FANCB: variants seen among roughly 807,000 people sequenced by gnomAD.
The protein encoded by FANCB is Fanconi anemia group B protein.
Under a neutral mutation model 38.9 loss-of-function variants are expected in FANCB, and 5 were observed. That is an observed-to-expected ratio of 0.13 (90% CI 0.07 to 0.27). FANCB has a LOEUF of 0.27. Among genes scored for constraint, FANCB ranks in the 10% least tolerant of loss-of-function variants. The probability of loss-of-function intolerance (pLI) is 1.00; values close to 1 mark genes in which losing one functional copy is unlikely to be tolerated. For synonymous variants in FANCB, 236 were observed against 215.4 expected (o/e 1.10, Z -0.84); for missense variants, 573 against 602.7 (o/e 0.95, Z 0.52).
At chrX:14,699,362 T>C in the FANCB span, among the ~76,000 whole-genome samples, 1 of 112,453 alleles carries the variant, frequency 8.9e-6, no homozygotes, top group Non-Finnish European at 1.9e-5. Context: ...AGCTACTAAA[T>C]AGAAATTGTG....
chrX:14,753,246 A>G, the FANCB span, among the ~76,000 whole-genome samples: 5 of 111,166 alleles, frequency 4.5e-5, no homozygotes, highest in Admixed American at 9.6e-5. Context: ...CCTCCACTCA[A>G]TCCAAGATCC....
At chrX:14,694,396 A>G in the FANCB span, among the ~76,000 whole-genome samples, 1 of 112,217 alleles carries the variant, frequency 8.9e-6, no homozygotes, top group Non-Finnish European at 1.9e-5. Flanking sequence ...ATAGTAGAGA[A>G]TGAGAGGGAC....
chrX:14,871,231 C>T (rs1010892390), intron 1 of FANCB, among the ~76,000 whole-genome samples: 2 of 111,334 alleles, frequency 1.8e-5, no homozygotes, highest in Admixed American at 1.9e-4. Flanking sequence ...GTAATGATAA[C>T]CCACTGAAAG....
chrX:14,786,394 TGA>T, the FANCB span, among the ~76,000 whole-genome samples: 22 of 111,185 alleles, frequency 2.0e-4, no homozygotes, highest in Non-Finnish European at 5.7e-5. Flanking sequence ...TTAAATATGC[TGA>T]GAGGACTCTT....
At chrX:14,733,414 T>C in the FANCB span, among the ~76,000 whole-genome samples, 6 of 111,929 alleles carry the variant, frequency 5.4e-5, no homozygotes, top group Admixed American at 5.7e-4. Context: ...AAGAAAGTCA[T>C]TGGTAGCTTG....
At chrX:14,824,386 T>C in the FANCB span, among the ~76,000 whole-genome samples, 2 of 112,264 alleles carry the variant, frequency 1.8e-5, no homozygotes, top group African/African-American at 6.5e-5. Flanking sequence ...TTACACATTA[T>C]GTTTATGAGA....
chrX:14,707,781 C>T, the FANCB span, among the ~76,000 whole-genome samples: 6 of 100,962 alleles, frequency 5.9e-5, no homozygotes, highest in East Asian at 3.1e-4. Context: ...TGTGCACGCG[C>T]GCGTGTTGCA....
At chrX:14,837,062 T>C (rs2092343137) in intron 10 of FANCB, among the ~76,000 whole-genome samples, 1 of 112,651 alleles carries the variant, frequency 8.9e-6, no homozygotes, top group Admixed American at 9.4e-5. Context: ...AAGATCTCTA[T>C]ATTCCCTTCT....
the FANCB span, among the ~76,000 whole-genome samples, chrX:14,737,622 G>A: frequency 8.9e-6 from 1 of 111,873 alleles, no homozygotes. Flanking sequence ...CTGACTGGAA[G>A]TAATGCAGCT....
chrX:14,814,387 C>A, the FANCB span, among the ~76,000 whole-genome samples: 3 of 112,026 alleles, frequency 2.7e-5, no homozygotes, highest in African/African-American at 9.7e-5. Flanking sequence ...AGTGAACAGG[C>A]AACCTACAGA....
At chrX:14,771,331 C>T in the FANCB span, among the ~76,000 whole-genome samples, 2 of 111,271 alleles carry the variant, frequency 1.8e-5, no homozygotes, top group African/African-American at 3.3e-5. Context: ...TTGTTCATTC[C>T]TTTTTGTTCT....
the FANCB span, among the ~76,000 whole-genome samples, chrX:14,779,493 A>G: frequency 1.8e-5 from 2 of 111,936 alleles, no homozygotes; most frequent in African/African-American, 6.5e-5. Context: ...TAAGGTCGTC[A>G]TAAAAGAGGC....
At chrX:14,734,311 ATTAAC>A in the FANCB span, among the ~76,000 whole-genome samples, 26 of 112,242 alleles carry the variant, frequency 2.3e-4, no homozygotes, top group Admixed American at 4.7e-4. Context: ...GAAGCCACCA[ATTAAC>A]TTATATAACT....
At chrX:14,690,675 CTCTGTGTGTGTGTGTG>C in the FANCB span, 1 of 942,648 alleles carries the variant, frequency 1.1e-6, no homozygotes, top group Non-Finnish European at 1.5e-6. Flanking sequence ...CTCTCTCTCT[CTCTGTGTGTGTGTGTG>C]TCTCTCTCTC....
the FANCB span, among the ~76,000 whole-genome samples, chrX:14,760,822 T>A: frequency 9.0e-6 from 1 of 110,562 alleles, no homozygotes; most frequent in African/African-American, 3.3e-5. Flanking sequence ...TACAAAAAAA[T>A]TAGCTGGGTG....
chrX:14,836,792 A>G, intron 10 of FANCB, among the ~76,000 whole-genome samples: 1 of 111,902 alleles, frequency 8.9e-6, no homozygotes, highest in South Asian at 3.7e-4. Flanking sequence ...TCAGAACCCC[A>G]AAGAGTCCTC....
the FANCB span, among the ~76,000 whole-genome samples, chrX:14,689,535 A>G: frequency 5.4e-5 from 6 of 112,114 alleles, no homozygotes; most frequent in Non-Finnish European, 1.1e-4. Flanking sequence ...TCCAATTCCA[A>G]TCTTGACTCT....
At chrX:14,723,120 G>A in the FANCB span, among the ~76,000 whole-genome samples, 2 of 112,105 alleles carry the variant, frequency 1.8e-5, no homozygotes, top group African/African-American at 6.5e-5. Context: ...ATCTCTCTGA[G>A]TTACAGACTG....
At chrX:14,794,579 T>C in the FANCB span, among the ~76,000 whole-genome samples, 6 of 112,335 alleles carry the variant, frequency 5.3e-5, no homozygotes, top group African/African-American at 1.9e-4. Flanking sequence ...GAGCTGTACA[T>C]TATTTTTACT....
Sources: gnomAD v4.1 joint callset for allele counts (sites outside exome capture counted in the v4.1 genomes callset) on GRCh38, gnomAD v4.1.1 for gene constraint, MANE v1.5 for transcripts, NCBI Gene and HGNC (gene_info 2026-07-23, HGNC 2026-07-21) for gene names.